BRINP1: variants seen among roughly 807,000 people sequenced by gnomAD.
The protein encoded by BRINP1 is BMP/retinoic acid inducible neural specific 1.
In BRINP1, 17 loss-of-function variants were observed where a neutral mutation model predicts 72.9. The observed-to-expected ratio is 0.23, with a 90% CI of 0.16 to 0.35. The LOEUF is 0.35. BRINP1 is among the 10% of genes least tolerant of loss of function. BRINP1 has a pLI of 1.00. For missense variants in BRINP1, 850 were observed against 1,001.6 expected (o/e 0.85, Z 2.04); for synonymous variants, 418 against 378.5 (o/e 1.10, Z -1.21).
intron 2 of BRINP1, among the ~76,000 whole-genome samples, chr9:119,260,171 C>T (rs1830483169): frequency 6.6e-6 from 1 of 152,200 alleles, no homozygotes; most frequent in African/African-American, 2.4e-5. Context: ...CTTTACTTAA[C>T]CAAAATGCAC....
At chr9:119,350,025 T>A (rs1399143640) in intron 1 of BRINP1, among the ~76,000 whole-genome samples, 1 of 152,186 alleles carries the variant, frequency 6.6e-6, no homozygotes, top group Non-Finnish European at 1.5e-5. Flanking sequence ...CAAACTGCAG[T>A]TTCAGGATCA....
intron 7 of BRINP1, 22 bp from the exon 8 acceptor site, chr9:119,168,246 GAGA>G (rs774305372): frequency 3.8e-5 from 56 of 1,481,652 alleles, no homozygotes; most frequent in Non-Finnish European, 4.8e-5. Flanking sequence ...AGGAAAATTG[GAGA>G]AGGTTAGCTA....
At chr9:119,295,928 TAAAAACACTAGAAG>T (rs1349806893) in intron 2 of BRINP1, among the ~76,000 whole-genome samples, 2 of 152,082 alleles carry the variant, frequency 1.3e-5, no homozygotes, top group African/African-American at 4.8e-5. Context: ...CCAGGAACCA[TAAAAACACTAGAAG>T]AAAACAGAGA....
At chr9:119,316,141 C>T (rs549066662) in intron 1 of BRINP1, among the ~76,000 whole-genome samples, 10 of 152,158 alleles carry the variant, frequency 6.6e-5, no homozygotes, top group African/African-American at 9.7e-5. Context: ...GCCTGGAGTG[C>T]GGTGGTGCAA....
intron 2 of BRINP1, among the ~76,000 whole-genome samples, chr9:119,270,117 G>A (rs957757922): frequency 6.6e-6 from 1 of 151,862 alleles, no homozygotes; most frequent in Non-Finnish European, 1.5e-5. Context: ...GGCACTTGGT[G>A]AAAGAGCTTT....
Position 119,169,470 on chromosome 9 carries a change from C to G in BRINP1, c.1146-1246G>C, listed in dbSNP as rs192079487. Among the ~76,000 whole-genome samples the G allele has an allele frequency of 3.2e-3, 488 of 152,350 alleles. 4 individuals carry two copies. Among genetic ancestry groups the G allele is most frequent in the African/African-American group, 0.011 (450 of 41,572 alleles). ...CGAGATTATATTACCGCACCTGGCT[C>G]GGAGGGTCCTACGCCCACAGAGTCT... On this transcript the variant is annotated intron_variant, in intron 7 of 7. Transcript: ENST00000265922.
intron 7 of BRINP1, among the ~76,000 whole-genome samples, chr9:119,184,324 G>A (rs1254435855): frequency 2.6e-5 from 4 of 151,960 alleles, no homozygotes; most frequent in South Asian, 2.1e-4. Flanking sequence ...GTACACCCTC[G>A]GTTGCCACCA....
intron 2 of BRINP1, among the ~76,000 whole-genome samples, chr9:119,249,844 A>AGGG (rs1830360534): frequency 2.7e-5 from 2 of 73,340 alleles, no homozygotes; most frequent in Non-Finnish European, 5.5e-5. Context: ...GGAAGGAAGG[A>AGGG]AGGAAGGAAG....
At chr9:119,317,699 T>C (rs962399153) in intron 1 of BRINP1, among the ~76,000 whole-genome samples, 1 of 152,208 alleles carries the variant, frequency 6.6e-6, no homozygotes, top group Non-Finnish European at 1.5e-5. Context: ...TCAATTGATG[T>C]GGCAAACCTC....
intron 5 of BRINP1, among the ~76,000 whole-genome samples, chr9:119,226,826 G>A (rs1830096791): frequency 6.6e-6 from 1 of 151,976 alleles, no homozygotes; most frequent in South Asian, 2.1e-4. Context: ...CTGGCACATG[G>A]AAAGGGCTAT....
intron 1 of BRINP1, among the ~76,000 whole-genome samples, chr9:119,347,066 C>G (rs1218673564): frequency 6.6e-6 from 1 of 152,170 alleles, no homozygotes; most frequent in Non-Finnish European, 1.5e-5. Context: ...GGAAGCTCTC[C>G]CTCTTGCCCC....
chr9:119,241,971 A>C, intron 4 of BRINP1, 76 bp downstream of exon 4: 1 of 1,473,190 alleles, frequency 6.8e-7, no homozygotes, highest in Admixed American at 1.9e-5. Flanking sequence ...ACATCTGTCC[A>C]TCCACTCTCA....
chr9:119,331,846 A>G (rs1042722698), intron 1 of BRINP1, among the ~76,000 whole-genome samples: 15 of 152,194 alleles, frequency 9.9e-5, no homozygotes, highest in African/African-American at 3.4e-4. Context: ...TAAATGTTCA[A>G]CCTCTTGGAC....
At chr9:119,252,405 C>A (rs1385932387) in intron 2 of BRINP1, among the ~76,000 whole-genome samples, 1 of 151,928 alleles carries the variant, frequency 6.6e-6, no homozygotes, top group Admixed American at 6.6e-5. Flanking sequence ...ATGAGAAATG[C>A]CAAATATCTC....
At chr9:119,219,778 G>C (rs1394723238) in intron 5 of BRINP1, among the ~76,000 whole-genome samples, 1 of 151,960 alleles carries the variant, frequency 6.6e-6, no homozygotes, top group Non-Finnish European at 1.5e-5. Flanking sequence ...CACAGGGAAA[G>C]AACAATGAAC....
At chr9:119,189,864 C>T (rs1335524078) in intron 7 of BRINP1, among the ~76,000 whole-genome samples, 1 of 151,966 alleles carries the variant, frequency 6.6e-6, no homozygotes, top group African/African-American at 2.4e-5. Flanking sequence ...CATCAGCAGA[C>T]TATACATTCA....
intron 1 of BRINP1, among the ~76,000 whole-genome samples, chr9:119,336,422 C>G (rs1384676362): frequency 1.3e-5 from 2 of 152,146 alleles, no homozygotes; most frequent in African/African-American, 4.8e-5. Flanking sequence ...AAGTCAACTT[C>G]CCAAATTCGG....
At chr9:119,272,424 T>C (rs965061480) in intron 2 of BRINP1, among the ~76,000 whole-genome samples, 1 of 152,096 alleles carries the variant, frequency 6.6e-6, no homozygotes, top group African/African-American at 2.4e-5. Context: ...AAATATCTGG[T>C]TGAGGTGGGT....
At chr9:119,274,925 T>C (rs1038499702) in intron 2 of BRINP1, among the ~76,000 whole-genome samples, 8 of 152,176 alleles carry the variant, frequency 5.3e-5, no homozygotes, top group African/African-American at 1.9e-4. Context: ...ACTATATATG[T>C]AGTGTGTACA....
Sources: gnomAD v4.1 joint callset for allele counts (sites outside exome capture counted in the v4.1 genomes callset) on GRCh38, gnomAD v4.1.1 for gene constraint, MANE v1.5 for transcripts, NCBI Gene and HGNC (gene_info 2026-07-23, HGNC 2026-07-21) for gene names.